The following KCNG2 variants were observed in gnomAD, a reference collection of about 807,000 sequenced individuals.
The protein encoded by KCNG2 is voltage-gated potassium channel regulatory subunit KCNG2.
A neutral mutation model predicts 12.3 loss-of-function variants in KCNG2; 7 were observed. The ratio of observed to expected loss-of-function variants is 0.57; its 90% CI spans 0.32 to 1.07. The LOEUF is 1.07. Ranked by LOEUF, KCNG2 falls within the 50% of genes least tolerant of loss-of-function variation. KCNG2 has a pLI of 0.04. For synonymous variants in KCNG2, 414 were observed against 351.4 expected, an observed-to-expected ratio of 1.18 and a Z score of -1.99; for missense variants, 703 against 726.0, an observed-to-expected ratio of 0.97 and a Z score of 0.36.
rs1042935509 is a variant in KCNG2, at chr18:79,800,872, CAGG to C, written c.-115+2861_-115+2863del. 1.3e-5 allele frequency among the ~76,000 whole-genome samples: 2 copies of C among 152,240 alleles called. No homozygotes were observed. The highest frequency in any genetic ancestry group is 2.9e-5 in the Non-Finnish European group (2 of 68,050). On this transcript the variant is annotated intron_variant, in intron 1 of 3. Transcript: ENST00000316249. The surrounding 1 kb of genome is among the most constrained non-coding windows in gnomAD (Gnocchi z 4.0). ...AGTCAAAATGGGTCCCCGGCGGGGC[CAGG>C]AGAACACCCAGACTCATGGAATTGC...
intron 3 of KCNG2, among the ~76,000 whole-genome samples, chr18:79,889,449 T>C (rs1405026294): frequency 1.3e-5 from 2 of 150,866 alleles, no homozygotes; most frequent in African/African-American, 4.8e-5. Context: ...CAGTGTTTTG[T>C]AGTTATCAAA....
Position 79,899,955 on chromosome 18 carries a change from C to G in KCNG2, c.*139C>G. ...CGCGTCCTCGGCCCTCGTGCGTGAG[C>G]AGCCCCAGAACTTGGCGGGGCCCTG... is the stretch of plus-strand genomic sequence containing the variant. On this transcript the variant is annotated 3_prime_UTR_variant, in exon 4 of 4. Transcript: ENST00000316249. 2.5e-6 allele frequency: 2 copies of G among 792,096 alleles called. No homozygotes were observed. Among genetic ancestry groups the G allele is most frequent in the Non-Finnish European group, 3.4e-6 (2 of 584,210 alleles). The allele number at this position is 792,096 out of a possible 1,614,324, so 49.1% of individuals were successfully genotyped here.
intron 1 of KCNG2, among the ~76,000 whole-genome samples, chr18:79,807,934 A>G (rs2087464699): frequency 8.6e-6 from 1 of 116,662 alleles, no homozygotes; most frequent in Non-Finnish European, 1.7e-5. Flanking sequence ...TTATGGGCCC[A>G]GAGTCCTCGC....
intron 3 of KCNG2, among the ~76,000 whole-genome samples, chr18:79,870,320 T>G (rs1197792940): frequency 6.6e-6 from 1 of 152,132 alleles, no homozygotes; most frequent in East Asian, 1.9e-4. Context: ...CAGGGCTTGA[T>G]GATTGCAATG....
chr18:79,811,195 C>G (rs951765924), intron 1 of KCNG2, among the ~76,000 whole-genome samples: 6 of 152,120 alleles, frequency 3.9e-5, no homozygotes, highest in Non-Finnish European at 7.4e-5. Context: ...TATCAAAATC[C>G]TAGCTGACTT....
intron 1 of KCNG2, among the ~76,000 whole-genome samples, chr18:79,821,830 C>T (rs1401574104): frequency 6.6e-6 from 1 of 152,242 alleles, no homozygotes; most frequent in Non-Finnish European, 1.5e-5. Context: ...ATCGCCATAG[C>T]TTGGCAGCAC....
intron 3 of KCNG2, among the ~76,000 whole-genome samples, chr18:79,891,908 C>G (rs1030292463): frequency 6.6e-6 from 1 of 152,096 alleles, no homozygotes; most frequent in African/African-American, 2.4e-5. Context: ...TTCACACCTT[C>G]TGTTTCCTTG....
At chr18:79,876,335 G>T in intron 3 of KCNG2, 1 of 152,764 alleles carries the variant, frequency 6.5e-6, no homozygotes, top group Non-Finnish European at 1.5e-5. Context: ...TCGGGCTGGC[G>T]CTGTGGAAAG....
At chr18:79,859,710 G>A (rs1477997288) in intron 2 of KCNG2, among the ~76,000 whole-genome samples, 1 of 152,278 alleles carries the variant, frequency 6.6e-6, no homozygotes, top group East Asian at 1.9e-4. Context: ...GTGGATAACC[G>A]TTTGTTGGAG....
chr18:79,826,807 G>A (rs980673214), intron 1 of KCNG2, among the ~76,000 whole-genome samples: 1 of 150,494 alleles, frequency 6.6e-6, no homozygotes, highest in Admixed American at 6.6e-5. Context: ...TGAAAGAACT[G>A]AGTGAGCAGC....
chr18:79,845,110 A>G (rs1978579606), intron 1 of KCNG2, among the ~76,000 whole-genome samples: 2 of 152,266 alleles, frequency 1.3e-5, no homozygotes, highest in South Asian at 4.1e-4. Context: ...CTCCTGATGT[A>G]TTCAGCAACC....
intron 3 of KCNG2, among the ~76,000 whole-genome samples, chr18:79,876,946 T>C (rs914304719): frequency 2.0e-5 from 3 of 152,208 alleles, no homozygotes; most frequent in Non-Finnish European, 1.5e-5. Flanking sequence ...TGTGCCGATT[T>C]TCTCCAGACA....
intron 3 of KCNG2, among the ~76,000 whole-genome samples, chr18:79,898,527 C>T (rs1393428569): frequency 6.7e-6 from 1 of 150,196 alleles, no homozygotes; most frequent in African/African-American, 2.5e-5. Context: ...CTGATGTCAG[C>T]CCTTTCTAGG....
chr18:79,898,710 T>C (rs2082325187), intron 3 of KCNG2, among the ~76,000 whole-genome samples: 1 of 152,258 alleles, frequency 6.6e-6, no homozygotes, highest in East Asian at 1.9e-4. Context: ...TTTTCACATA[T>C]AAATAGATGT....
chr18:79,845,862 G>A (rs940162429), intron 1 of KCNG2, among the ~76,000 whole-genome samples: 11 of 151,988 alleles, frequency 7.2e-5, no homozygotes, highest in South Asian at 4.2e-4. Flanking sequence ...CGAGGCAGGC[G>A]GATCATGAGG....
intron 3 of KCNG2, among the ~76,000 whole-genome samples, chr18:79,874,407 C>T (rs953084723): frequency 2.0e-5 from 3 of 152,192 alleles, no homozygotes; most frequent in African/African-American, 7.2e-5. Context: ...ACACCTGCCC[C>T]GAGGGGGGAG....
chr18:79,859,000 T>A (rs1979120467), intron 2 of KCNG2, among the ~76,000 whole-genome samples: 1 of 152,154 alleles, frequency 6.6e-6, no homozygotes. Flanking sequence ...TTGCAGCTCT[T>A]TTTTTTTCCA....
At chr18:79,798,434 C>T (rs1468077226) in intron 1 of KCNG2, among the ~76,000 whole-genome samples, 1 of 152,132 alleles carries the variant, frequency 6.6e-6, no homozygotes, top group African/African-American at 2.4e-5. Context: ...CGGGAAAACC[C>T]GACTCTCCCG....
chr18:79,855,623 C>A (rs1424254426), intron 1 of KCNG2, among the ~76,000 whole-genome samples: 1 of 152,018 alleles, frequency 6.6e-6, no homozygotes, highest in Non-Finnish European at 1.5e-5. Context: ...CCTGGCCAAG[C>A]AGAGAGGCCT....
Sources: allele counts gnomAD v4.1 joint callset (sites outside exome capture counted in the v4.1 genomes callset), GRCh38; gene constraint gnomAD v4.1.1; non-coding constraint Gnocchi (gnomAD v3.1); transcripts MANE v1.5; gene names NCBI Gene and HGNC (gene_info 2026-07-23, HGNC 2026-07-21).